The following NETO1 variants were observed in gnomAD, a reference collection of about 807,000 sequenced individuals.
The protein encoded by NETO1 is neuropilin and tolloid-like protein 1.
A neutral mutation model predicts 61.3 loss-of-function variants in NETO1; 26 were observed. The observed-to-expected ratio is 0.42, with a 90% CI of 0.31 to 0.59. NETO1 has a LOEUF of 0.59. Ranked by LOEUF, NETO1 falls within the 20% of genes least tolerant of loss-of-function variation. The pLI, the probability that NETO1 is intolerant of heterozygous loss-of-function variation, is 0.12. For missense variants in NETO1, 531 were observed against 662.8 expected (o/e 0.80, Z 2.18); for synonymous variants, 225 against 225.8 (o/e 1.00, Z 0.03).
At chr18:72,865,270 A>C (rs2074701928) in intron 1 of NETO1, 29 bp from the exon 2 acceptor site, 1 of 1,472,644 alleles carries the variant, frequency 6.8e-7, no homozygotes, top group African/African-American at 1.4e-5. Flanking sequence ...ATTAGAGATA[A>C]AATACACTGA....
chr18:72,774,834 G>A (rs991834907), intron 7 of NETO1, among the ~76,000 whole-genome samples: 2 of 152,048 alleles, frequency 1.3e-5, no homozygotes, highest in East Asian at 1.9e-4. Context: ...CTTCTCCACC[G>A]GGTAAATTGT....
In NETO1 at chr18:72,815,500, C is replaced by G. The variant is rs539335034; in HGVS notation, c.470-21096G>C. ...ACATAAGACAGGCAAAAGTCCTGGT[C>G]AGGTATTTCATACAAGAGGAAATTT... is the stretch of plus-strand genomic sequence containing the variant. On this transcript the variant is annotated intron_variant, in intron 4 of 10. Transcript: ENST00000327305. 1.5e-4 allele frequency among the ~76,000 whole-genome samples: 23 copies of G among 152,126 alleles called. No homozygotes were observed. In the South Asian group the frequency reaches 3.9e-3, roughly 26 times the overall value.
intron 7 of NETO1, among the ~76,000 whole-genome samples, chr18:72,767,953 C>T (rs1041181585): frequency 5.3e-5 from 8 of 152,200 alleles, no homozygotes; most frequent in Non-Finnish European, 1.0e-4. Context: ...TCCAGACATA[C>T]ATTTAAAACT....
intron 4 of NETO1, among the ~76,000 whole-genome samples, chr18:72,827,266 G>A (rs1489690550): frequency 6.6e-6 from 1 of 152,054 alleles, no homozygotes; most frequent in Non-Finnish European, 1.5e-5. Context: ...TTTATGCAAC[G>A]TGAGTGACAA....
chr18:72,780,175 C>T (rs773101615), intron 7 of NETO1, among the ~76,000 whole-genome samples: 5 of 152,136 alleles, frequency 3.3e-5, no homozygotes, highest in African/African-American at 7.2e-5. Flanking sequence ...AACCTGTTTC[C>T]GTGGAAACTT....
rs192002972 is a variant in NETO1, at chr18:72,754,932, C to T, written c.982+1102G>A. 9.1e-4 allele frequency among the ~76,000 whole-genome samples: 139 copies of T among 152,272 alleles called. 1 individual carries two copies. The highest frequency in any genetic ancestry group is 6.8e-3 in the Middle Eastern group (2 of 294). ...CACATGGGACAAACTTTAGGCTACA[C>T]TACATGCTCGCCATAGGCATAACCT... is the stretch of plus-strand genomic sequence containing the variant. On this transcript the variant is annotated intron_variant, in intron 8 of 10. Transcript: ENST00000327305.
In NETO1 at chr18:72,756,096, T is replaced by G. The variant is rs1470228963; in HGVS notation, c.920A>C (p.Asn307Thr). 6.2e-7 allele frequency: 1 copy of G among 1,610,698 alleles called. No individual in the cohort carries two copies. The highest frequency in any genetic ancestry group is 1.6e-4 in the Middle Eastern group (1 of 6,074). The change falls in exon 8 of 11, where the codon AAT (asparagine) becomes ACT (threonine). Residue 307 changes from asparagine (N) to threonine (T), a missense_variant. Coordinates refer to ENST00000327305, the MANE Select transcript of NETO1 (RefSeq NM_138966.5). ...CTGGAGTCCATTGCAGACCAAAGTA[T>G]TATTAATACACATGTTACTATGGCA... ...FFCHSNMCINNTLVCNGLQNC... is the reference protein window; with the variant it reads ...FFCHSNMCINTTLVCNGLQNC...
At chr18:72,810,460 G>A (rs1414919937) in intron 4 of NETO1, among the ~76,000 whole-genome samples, 20 of 152,162 alleles carry the variant, frequency 1.3e-4, no homozygotes. Flanking sequence ...CATTTGGCAT[G>A]CAAACGTATC....
At chr18:72,816,781 G>C (rs2073044880) in intron 4 of NETO1, among the ~76,000 whole-genome samples, 1 of 152,004 alleles carries the variant, frequency 6.6e-6, no homozygotes, top group Admixed American at 6.5e-5. Flanking sequence ...CTGGCTGGGG[G>C]TGGGGAGCTT....
At chr18:72,794,278 A>G in intron 5 of NETO1, 34 bp from the exon 6 acceptor site, 1 of 1,614,024 alleles carries the variant, frequency 6.2e-7, no homozygotes, top group Non-Finnish European at 8.5e-7. Flanking sequence ...ACACACAAAA[A>G]CGGAGCTTGA....
intron 4 of NETO1, among the ~76,000 whole-genome samples, chr18:72,814,084 C>G (rs9959541): frequency 0.045 from 6,797 of 151,772 alleles, 395 homozygotes; most frequent in African/African-American, 0.13. Context: ...AATTATCTGC[C>G]AAAAATCTAT....
intron 4 of NETO1, among the ~76,000 whole-genome samples, chr18:72,828,918 T>C (rs1211026635): frequency 6.6e-6 from 1 of 152,084 alleles, no homozygotes; most frequent in Non-Finnish European, 1.5e-5. Flanking sequence ...TGGGAAGATA[T>C]TTAGAGAATA....
At chr18:72,824,361 G>T (rs2073307279) in intron 4 of NETO1, among the ~76,000 whole-genome samples, 1 of 152,090 alleles carries the variant, frequency 6.6e-6, no homozygotes, top group Non-Finnish European at 1.5e-5. Flanking sequence ...TAATACATTT[G>T]TGAGCCTCTA....
Position 72,772,759 on chromosome 18 carries a change from C to CTATCTA in NETO1, c.868+10918_868+10919insTAGATA, listed in dbSNP as rs1555684130. On this transcript the variant is annotated intron_variant, in intron 7 of 10. Transcript: ENST00000327305. ...CACACACACATCTCTCTATATATAT[C>CTATCTA]TATATATATATATATATACAGATCT... Among the ~76,000 whole-genome samples, 8 of 102,346 alleles carry CTATCTA rather than the reference C, an allele frequency of 7.8e-5. No individual in the cohort carries two copies. The South Asian group carries it at 1.6e-3, about 21-fold the overall frequency. 67.1% of individuals were successfully genotyped at this position (102,346 alleles called of 152,430 possible).
chr18:72,841,877 A>C (rs1402604790), intron 4 of NETO1, among the ~76,000 whole-genome samples: 1 of 151,810 alleles, frequency 6.6e-6, no homozygotes, highest in African/African-American at 2.4e-5. Flanking sequence ...ATGCTCTGCC[A>C]CCTGCCAGCA....
chr18:72,825,916 C>A (rs2073358138), intron 4 of NETO1, among the ~76,000 whole-genome samples: 2 of 152,014 alleles, frequency 1.3e-5, no homozygotes, highest in African/African-American at 4.8e-5. Context: ...TTGAGATTTT[C>A]TTTGTGACAT....
At chr18:72,847,863 GAA>G (rs2074135698) in intron 4 of NETO1, among the ~76,000 whole-genome samples, 1 of 152,154 alleles carries the variant, frequency 6.6e-6, no homozygotes, top group African/African-American at 2.4e-5. Flanking sequence ...TATGAAGGCT[GAA>G]ATGTATCTCA....
intron 3 of NETO1, among the ~76,000 whole-genome samples, chr18:72,859,905 A>G (rs970276774): frequency 6.9e-6 from 1 of 145,206 alleles, no homozygotes; most frequent in Non-Finnish European, 1.5e-5. Context: ...AGAGCTTAGC[A>G]TAGTATTTGT....
chr18:72,859,928 C>CT (rs1415584517), intron 3 of NETO1, among the ~76,000 whole-genome samples: 48 of 12,232 alleles, frequency 3.9e-3, no homozygotes, highest in Admixed American at 0.022. Flanking sequence ...TCGAAAATTT[C>CT]CAAAAAAAAA....
Sources: gnomAD v4.1 joint callset for allele counts (sites outside exome capture counted in the v4.1 genomes callset) on GRCh38, gnomAD v4.1.1 for gene constraint, MANE v1.5 for transcripts, NCBI Gene and HGNC (gene_info 2026-07-23, HGNC 2026-07-21) for gene names.